Variants in CRACD observed in about 807,000 individuals in gnomAD.
The protein encoded by CRACD is capping protein-inhibiting regulator of actin dynamics.
A neutral mutation model predicts 106.8 loss-of-function variants in CRACD; 56 were observed. That is an observed-to-expected ratio of 0.52 (90% CI 0.42 to 0.66). The LOEUF is 0.66. CRACD is among the 30% of genes least tolerant of loss of function. CRACD has a pLI of 0.00. For missense variants in CRACD, 1,730 were observed against 1,623.2 expected, an observed-to-expected ratio of 1.07 and a Z score of -1.13; for synonymous variants, 754 against 670.8, an observed-to-expected ratio of 1.12 and a Z score of -1.92.
intron 10 of CRACD, among the ~76,000 whole-genome samples, chr4:56,324,763 A>G (rs1746322670): frequency 6.6e-6 from 1 of 152,236 alleles, no homozygotes; most frequent in African/African-American, 2.4e-5. Flanking sequence ...AAGTTTAGGT[A>G]AAATTTAAAT....
Position 56,314,643 on chromosome 4 carries a change from G to T in CRACD, c.1141G>T (p.Gly381Trp). ...GGAACAGCAGGAGGCGGAGGTGCAG[G>T]GGCCGCCCGAGGCGTTGGAGGAGAC... Reference protein sequence around the residue: ...ELEQQEAEVQGPPEALEETGE... With the variant: ...ELEQQEAEVQWPPEALEETGE... Residue 381 changes from glycine (G) to tryptophan (W), a missense_variant, in exon 8 of 11, where the codon GGG (glycine) becomes TGG (tryptophan). Gly to Trp is a radical substitution (Grantham distance 184). Transcript: ENST00000682029. This position sits in a 1 kb window ranked among gnomAD's most constrained non-coding sequence, Gnocchi z 4.4. 1 of 1,544,278 alleles carries T rather than the reference G, an allele frequency of 6.5e-7. No individual in the cohort carries two copies. The highest frequency in any genetic ancestry group is 1.2e-5 in the South Asian group (1 of 83,492).
chr4:56,226,723 C>T (rs919074656), intron 2 of CRACD, among the ~76,000 whole-genome samples: 1 of 151,980 alleles, frequency 6.6e-6, no homozygotes, highest in Non-Finnish European at 1.5e-5. Flanking sequence ...GAATGCCCTC[C>T]CTGTGGGGCA....
intron 3 of CRACD, among the ~76,000 whole-genome samples, chr4:56,278,894 C>G (rs1742833856): frequency 2.0e-5 from 3 of 152,172 alleles, no homozygotes; most frequent in African/African-American, 7.2e-5. Context: ...CATACTTGCT[C>G]AACATCATTA....
intron 1 of CRACD, among the ~76,000 whole-genome samples, chr4:56,077,260 G>A (rs909415174): frequency 6.6e-6 from 1 of 152,200 alleles, no homozygotes; most frequent in Non-Finnish European, 1.5e-5. Context: ...GCCAGCAGGG[G>A]AAGTGCCAGA....
At chr4:56,321,158 G>T in intron 8 of CRACD, 1 of 236,896 alleles carries the variant, frequency 4.2e-6, no homozygotes. Context: ...GGTCTCTGAG[G>T]TTCTGCAGGC....
intron 3 of CRACD, among the ~76,000 whole-genome samples, chr4:56,291,070 G>A (rs1260691167): frequency 6.6e-6 from 1 of 152,214 alleles, no homozygotes; most frequent in Admixed American, 6.5e-5. Context: ...GGATTTTAGA[G>A]GTCTTTATAC....
chr4:56,299,345 A>G (rs547470861), intron 4 of CRACD, among the ~76,000 whole-genome samples: 59 of 152,084 alleles, frequency 3.9e-4, no homozygotes, highest in Non-Finnish European at 6.6e-4. Context: ...GAGCCTGACT[A>G]TGAGGTCTGC....
At chr4:56,134,706 G>A (rs543773489) in intron 1 of CRACD, among the ~76,000 whole-genome samples, 4 of 152,292 alleles carry the variant, frequency 2.6e-5, no homozygotes, top group African/African-American at 9.6e-5. Flanking sequence ...TATAGGCAAA[G>A]CCAGGAATTT....
chr4:56,214,040 C>A (rs1738536472), intron 2 of CRACD, among the ~76,000 whole-genome samples: 1 of 152,140 alleles, frequency 6.6e-6, no homozygotes, highest in Non-Finnish European at 1.5e-5. Flanking sequence ...CTGTGAATTT[C>A]TTGTCTTAGT....
chr4:56,298,753 C>T (rs1027956232), intron 4 of CRACD, among the ~76,000 whole-genome samples: 2 of 151,990 alleles, frequency 1.3e-5, no homozygotes, highest in African/African-American at 4.8e-5. Context: ...GGCAACATGG[C>T]GAAACACTGT....
chr4:56,118,330 T>C (rs1734365940), intron 1 of CRACD, among the ~76,000 whole-genome samples: 3 of 152,216 alleles, frequency 2.0e-5, no homozygotes, highest in African/African-American at 7.2e-5. Context: ...TTAGGAACAC[T>C]TACTGGTACT....
chr4:56,198,715 T>C (rs1737739050), intron 2 of CRACD, among the ~76,000 whole-genome samples: 1 of 152,152 alleles, frequency 6.6e-6, no homozygotes, highest in Non-Finnish European at 1.5e-5. Context: ...AATGTGTCCC[T>C]TCCTCACGCT....
At chr4:56,299,887 C>G (rs984788291) in intron 4 of CRACD, among the ~76,000 whole-genome samples, 3 of 151,636 alleles carry the variant, frequency 2.0e-5, no homozygotes, top group African/African-American at 7.3e-5. Flanking sequence ...CCCTCAGTAG[C>G]TACTGATATG....
intron 3 of CRACD, among the ~76,000 whole-genome samples, chr4:56,280,058 C>A (rs530363883): frequency 1.8e-3 from 265 of 149,122 alleles, no homozygotes; most frequent in African/African-American, 6.2e-3. Flanking sequence ...AAACCAAACA[C>A]CGCATGTTCT....
chr4:56,316,539 CG>C lies in CRACD; in HGVS notation c.3038del (p.Arg1013ProfsTer61). 1 of 1,613,362 alleles carries C rather than the reference CG, an allele frequency of 6.2e-7. No homozygotes were observed. Among genetic ancestry groups the C allele is most frequent in the Non-Finnish European group, 8.5e-7 (1 of 1,179,670 alleles). On this transcript the variant is annotated frameshift_variant, in exon 8 of 11. Transcript: ENST00000682029. LOFTEE classifies it high-confidence loss of function. ...PSKEDQESSD[R>X]RPPSPPGPEE... ...CAAGGAGGACCAGGAGAGCAGTGACCGCCGGCCACCCTCGCCCCCAGGCCCC... is the reference window on the plus strand; with the variant it reads ...CAAGGAGGACCAGGAGAGCAGTGACCCCGGCCACCCTCGCCCCCAGGCCCC...
intron 1 of CRACD, among the ~76,000 whole-genome samples, chr4:56,088,781 A>G (rs1178345143): frequency 6.6e-6 from 1 of 151,234 alleles, no homozygotes; most frequent in Non-Finnish European, 1.5e-5. Flanking sequence ...GCAGGAGTGC[A>G]GCAGCGTGAG....
At chr4:56,270,965 C>T (rs910021747) in intron 2 of CRACD, among the ~76,000 whole-genome samples, 1 of 151,556 alleles carries the variant, frequency 6.6e-6, no homozygotes, top group African/African-American at 2.4e-5. Context: ...GTTAGCCAGG[C>T]GTGGTGGCAG....
intron 2 of CRACD, among the ~76,000 whole-genome samples, chr4:56,215,485 A>G (rs1738630047): frequency 6.6e-6 from 1 of 152,232 alleles, no homozygotes; most frequent in Non-Finnish European, 1.5e-5. Context: ...ACTTGTGCAT[A>G]TGATTGAATT....
At chr4:56,218,461 C>T (rs1338486791) in intron 2 of CRACD, among the ~76,000 whole-genome samples, 2 of 129,282 alleles carry the variant, frequency 1.5e-5, no homozygotes, top group East Asian at 4.9e-4. Context: ...CCTTTCCTTC[C>T]CCTGCCTTTC....
Sources: gnomAD v4.1 joint callset for allele counts (sites outside exome capture counted in the v4.1 genomes callset) on GRCh38, gnomAD v4.1.1 for gene constraint, Gnocchi (gnomAD v3.1) non-coding constraint, MANE v1.5 for transcripts, NCBI Gene and HGNC (gene_info 2026-07-23, HGNC 2026-07-21) for gene names.